HIVEP3: variants seen among roughly 807,000 people sequenced by gnomAD.
HIVEP3 encodes the protein transcription factor HIVEP3.
Under a neutral mutation model 152.8 loss-of-function variants are expected in HIVEP3, and 49 were observed. That is an observed-to-expected ratio of 0.32 (90% CI 0.26 to 0.41). The LOEUF (loss-of-function observed/expected upper bound fraction) is 0.41. Among genes scored for constraint, HIVEP3 ranks in the 10% least tolerant of loss-of-function variants. The pLI is 1.00. For synonymous variants in HIVEP3, 1,269 were observed against 1,289.0 expected (o/e 0.98, Z 0.33); for missense variants, 2,790 against 3,103.3 (o/e 0.90, Z 2.40).
At chr1:41,781,610 C>G (rs1649045320) in intron 1 of HIVEP3, among the ~76,000 whole-genome samples, 1 of 152,162 alleles carries the variant, frequency 6.6e-6, no homozygotes, top group South Asian at 2.1e-4. Flanking sequence ...ACAGAAGGAG[C>G]TCTTCTGCCT....
chr1:41,862,816 A>G (rs1643904245), intron 1 of HIVEP3, among the ~76,000 whole-genome samples: 1 of 152,236 alleles, frequency 6.6e-6, no homozygotes, highest in South Asian at 2.1e-4. Flanking sequence ...AACAAGGGAT[A>G]TCATCACTGC....
chr1:41,510,858 C>G lies in HIVEP3; in HGVS notation c.6814G>C (p.Gly2272Arg), dbSNP rs11809423. Reference protein sequence around the residue: ...KFTLSSELEGGDYPKERERTG... With the variant: ...KFTLSSELEGRDYPKERERTG... ...CTCTCCCTCTCCTTGGGGTAGTCCCCGCCCTCCAGCTCTGAGGAGAGTGTG... is the reference window on the plus strand; with the variant it reads ...CTCTCCCTCTCCTTGGGGTAGTCCCGGCCCTCCAGCTCTGAGGAGAGTGTG... The change falls in exon 9 of 9, where the codon GGG becomes CGG. Residue 2272 changes from glycine to arginine, a missense_variant. Coordinates refer to ENST00000372583, the MANE Select transcript of HIVEP3 (RefSeq NM_024503.5). 29 of 1,613,134 alleles carry G rather than the reference C, an allele frequency of 1.8e-5. No individual in the cohort carries two copies. The African/African-American group carries it at 3.7e-4, about 21-fold the overall frequency.
intron 6 of HIVEP3, among the ~76,000 whole-genome samples, chr1:41,523,660 G>A (rs1479579401): frequency 1.3e-5 from 2 of 152,182 alleles, no homozygotes; most frequent in African/African-American, 4.8e-5. Context: ...CCCCTCCAGA[G>A]CAGCTGCCCA....
intron 2 of HIVEP3, among the ~76,000 whole-genome samples, chr1:41,654,218 C>T (rs546324630): frequency 5.9e-5 from 9 of 152,238 alleles, no homozygotes; most frequent in East Asian, 3.9e-4. Context: ...GTAAGTTATA[C>T]GGTATACATG....
In HIVEP3 at chr1:41,539,179, G is replaced by A. The variant is rs553234171; in HGVS notation, c.5208-14269C>T. Among the ~76,000 whole-genome samples the A allele has an allele frequency of 8.5e-5, 13 of 152,206 alleles. No homozygotes were observed. In the South Asian group the frequency reaches 2.3e-3, roughly 27 times the overall value. ...ATTAGGCCATTTTCAGGTGGATCCC[G>A]TCCACACCCTCCCACAGGTGCATAT... is the stretch of plus-strand genomic sequence containing the variant. On this transcript the variant is annotated intron_variant, in intron 5 of 8. Transcript: ENST00000372583.
intron 1 of HIVEP3, among the ~76,000 whole-genome samples, chr1:41,846,146 T>C (rs1314398525): frequency 6.6e-6 from 1 of 152,198 alleles, no homozygotes; most frequent in Non-Finnish European, 1.5e-5. Context: ...CCTCACATCA[T>C]CTTAATACAA....
chr1:41,630,238 A>C (rs1645174849), intron 2 of HIVEP3, among the ~76,000 whole-genome samples: 1 of 152,200 alleles, frequency 6.6e-6, no homozygotes, highest in Non-Finnish European at 1.5e-5. Context: ...GTACACATGG[A>C]CATAAAGATG....
rs75082073 is a variant in HIVEP3 at position 41,581,112 on chromosome 1, G to A, written c.3686C>T (p.Pro1229Leu). ...QPPSFLPMPYPTSSALSSGFF... is the reference protein window; with the variant it reads ...QPPSFLPMPYLTSSALSSGFF... ...CCCAGAAGACAGTGCTGAGGAGGTC[G>A]GGTATGGCATGGGGAGGAAGGAAGG... Residue 1229 changes from proline (P) to leucine (L), a missense_variant, in exon 4 of 9, where the codon CCG (proline) becomes CTG (leucine). By Grantham distance (98) the Pro-to-Leu change is moderately conservative (BLOSUM62 -3). This residue lies in a region of HIVEP3 where 1,078 missense variants were observed against 1,165.3 expected (regional missense o/e 0.93). Transcript: ENST00000372583. This position sits in a 1 kb window ranked among gnomAD's most constrained non-coding sequence, Gnocchi z 4.5. 131 of 1,556,972 alleles carry A rather than the reference G, an allele frequency of 8.4e-5. No homozygotes were observed. The East Asian group carries it at 2.9e-3, about 34-fold the overall frequency.
intron 5 of HIVEP3, among the ~76,000 whole-genome samples, chr1:41,525,871 G>A (rs1642885898): frequency 6.6e-6 from 1 of 152,130 alleles, no homozygotes; most frequent in African/African-American, 2.4e-5. Context: ...GCCAGGAGAG[G>A]GGACCCTGGC....
intron 1 of HIVEP3, among the ~76,000 whole-genome samples, chr1:41,929,507 GT>G (rs1173809192): frequency 6.6e-6 from 1 of 151,776 alleles, no homozygotes; most frequent in Non-Finnish European, 1.5e-5. Flanking sequence ...TTTCCAAGAA[GT>G]CCTGGCTCCT....
intron 1 of HIVEP3, among the ~76,000 whole-genome samples, chr1:41,979,084 T>C (rs1036618295): frequency 2.0e-5 from 3 of 152,112 alleles, no homozygotes; most frequent in Non-Finnish European, 2.9e-5. Context: ...ACCAGCAACA[T>C]CAGCAGCCCC....
At chr1:41,835,330 G>T (rs1398341134) in intron 1 of HIVEP3, among the ~76,000 whole-genome samples, 1 of 152,100 alleles carries the variant, frequency 6.6e-6, no homozygotes, top group Non-Finnish European at 1.5e-5. Context: ...CTCTCTTCCT[G>T]GCTTGCAGAC....
chr1:41,545,492 C>T (rs961595563), intron 5 of HIVEP3, among the ~76,000 whole-genome samples: 1 of 145,284 alleles, frequency 6.9e-6, no homozygotes, highest in Non-Finnish European at 1.5e-5. Flanking sequence ...CCACCAGCAT[C>T]ACCACCACTA....
chr1:41,764,857 C>T (rs903852478), intron 1 of HIVEP3, among the ~76,000 whole-genome samples: 5 of 152,172 alleles, frequency 3.3e-5, no homozygotes, highest in South Asian at 2.1e-4. Context: ...ATGGCAGTGA[C>T]GCTCTCCCTG....
intron 1 of HIVEP3, among the ~76,000 whole-genome samples, chr1:41,907,193 T>C (rs780972708): frequency 6.6e-6 from 1 of 152,138 alleles, no homozygotes; most frequent in Non-Finnish European, 1.5e-5. Context: ...GGGATAGAGG[T>C]CATTTGTCTT....
Position 41,851,962 on chromosome 1 carries a change from A to G in HIVEP3, c.-801+66451T>C, listed in dbSNP as rs570077654. ...AGTCATGTAAATCTCTCTGAGCCTCATGGGGCTGGTAGAAAATACCCAAGG... is the reference window on the plus strand; with the variant it reads ...AGTCATGTAAATCTCTCTGAGCCTCGTGGGGCTGGTAGAAAATACCCAAGG... On this transcript the variant is annotated intron_variant, in intron 1 of 8. Coordinates refer to ENST00000372583, the MANE Select transcript of HIVEP3 (RefSeq NM_024503.5). Among the ~76,000 whole-genome samples, 12 of 152,350 alleles carry G rather than the reference A, an allele frequency of 7.9e-5. No individual in the cohort carries two copies. In the South Asian group the frequency reaches 2.5e-3, roughly 32 times the overall value.
chr1:41,529,655 C>T (rs1279272807), intron 5 of HIVEP3, among the ~76,000 whole-genome samples: 2 of 144,972 alleles, frequency 1.4e-5, no homozygotes, highest in African/African-American at 2.6e-5. Context: ...CCCACACTCA[C>T]GCCCCTACAC....
chr1:42,035,090 G>T lies in HIVEP3; in HGVS notation n.119+717C>A, dbSNP rs923572495. 1.4e-4 allele frequency among the ~76,000 whole-genome samples: 21 copies of T among 152,318 alleles called. No homozygotes were observed. In the Middle Eastern group the frequency reaches 0.014, roughly 99 times the overall value. On this transcript the variant is annotated intron_variant and non_coding_transcript_variant, in intron 1 of 3. Coordinates refer to the HIVEP3 transcript ENST00000489103. ...CTTGTTAATTAACTAATTAGGGATG[G>T]GAAAGCAACTCACCAATACAAAGTG...
intron 2 of HIVEP3, among the ~76,000 whole-genome samples, chr1:41,684,023 C>T (rs1646079041): frequency 6.6e-6 from 1 of 152,210 alleles, no homozygotes; most frequent in African/African-American, 2.4e-5. Flanking sequence ...TCCTGTCTTC[C>T]AAAAGCACTG....
Sources: gnomAD v4.1 joint callset for allele counts (sites outside exome capture counted in the v4.1 genomes callset) on GRCh38, gnomAD v4.1.1 for gene constraint, gnomAD v4.1.1 regional missense constraint, Gnocchi (gnomAD v3.1) non-coding constraint, MANE v1.5 for transcripts, NCBI Gene and HGNC (gene_info 2026-07-23, HGNC 2026-07-21) for gene names.